The following ASTN2 variants were observed in gnomAD, a reference collection of about 807,000 sequenced individuals.
The protein encoded by ASTN2 is astrotactin 2, also known as astrotactin-2.
A neutral mutation model predicts 139.8 loss-of-function variants in ASTN2; 54 were observed. That is an observed-to-expected ratio of 0.39 (90% CI 0.31 to 0.48). ASTN2 has a LOEUF of 0.48. Ranked by LOEUF, ASTN2 falls within the 20% of genes least tolerant of loss-of-function variation. The pLI is 0.95. For synonymous variants in ASTN2, 756 were observed against 719.5 expected, an observed-to-expected ratio of 1.05 and a Z score of -0.81; for missense variants, 1,565 against 1,725.1, an observed-to-expected ratio of 0.91 and a Z score of 1.64.
At chr9:117,014,938 A>G (rs1056561759) in intron 6 of ASTN2, among the ~76,000 whole-genome samples, 4 of 152,170 alleles carry the variant, frequency 2.6e-5, no homozygotes, top group Admixed American at 1.3e-4. Flanking sequence ...CTGTTGCTTA[A>G]GCAACTCAGG....
intron 10 of ASTN2, among the ~76,000 whole-genome samples, chr9:116,937,989 G>A (rs528944311): frequency 9.1e-4 from 138 of 152,098 alleles, no homozygotes; most frequent in Non-Finnish European, 1.7e-3. Flanking sequence ...TAATTTTCTC[G>A]GCAACCTTTG....
chr9:116,859,662 T>C (rs1647884188), intron 11 of ASTN2, among the ~76,000 whole-genome samples: 1 of 152,086 alleles, frequency 6.6e-6, no homozygotes. Context: ...CTAAAAGGGG[T>C]CCCATCCTCT....
At chr9:116,626,546 T>C (rs1368848991) in intron 17 of ASTN2, among the ~76,000 whole-genome samples, 1 of 152,088 alleles carries the variant, frequency 6.6e-6, no homozygotes, top group Non-Finnish European at 1.5e-5. Flanking sequence ...CTAAATTACC[T>C]TGAAGCCATT....
chr9:117,150,750 A>G (rs774355215), intron 3 of ASTN2, among the ~76,000 whole-genome samples: 5 of 152,196 alleles, frequency 3.3e-5, no homozygotes, highest in Non-Finnish European at 5.9e-5. Flanking sequence ...ACTGGAGTGC[A>G]GTGGTGCAGT....
chr9:116,674,494 T>G (rs1175124629), intron 16 of ASTN2, among the ~76,000 whole-genome samples: 1 of 152,204 alleles, frequency 6.6e-6, no homozygotes, highest in Non-Finnish European at 1.5e-5. Context: ...TGCCCACAAA[T>G]GATCAAAGGT....
intron 12 of ASTN2, among the ~76,000 whole-genome samples, chr9:116,817,229 G>A (rs7860941): frequency 0.19 from 29,015 of 151,692 alleles, 3,333 homozygotes; most frequent in Admixed American, 0.26. Flanking sequence ...AGGAGGCGGA[G>A]GTTGCAGTGA....
intron 3 of ASTN2, among the ~76,000 whole-genome samples, chr9:117,173,941 C>G (rs1279029671): frequency 6.7e-6 from 1 of 150,266 alleles, no homozygotes; most frequent in Non-Finnish European, 1.5e-5. Flanking sequence ...TGCTCTCTCT[C>G]CTTTACTCTT....
At chr9:117,217,134 G>A (rs907755774) in intron 2 of ASTN2, among the ~76,000 whole-genome samples, 7 of 152,224 alleles carry the variant, frequency 4.6e-5, no homozygotes, top group Admixed American at 6.5e-5. Flanking sequence ...GGAGGAGGAG[G>A]AAAGATGGTG....
At chr9:116,732,508 C>G (rs1010977704) in intron 14 of ASTN2, among the ~76,000 whole-genome samples, 3 of 152,188 alleles carry the variant, frequency 2.0e-5, no homozygotes, top group Admixed American at 1.3e-4. Context: ...AGTGAAAGAG[C>G]TCTATTATCC....
At chr9:117,258,083 G>T (rs1288400762) in intron 2 of ASTN2, among the ~76,000 whole-genome samples, 4 of 152,202 alleles carry the variant, frequency 2.6e-5, no homozygotes, top group African/African-American at 9.7e-5. Flanking sequence ...TTGGAAGGAA[G>T]AAGGAAGGAA....
rs1299752984 is a variant in ASTN2, at chr9:116,986,580, G to A, written c.1592-9795C>T. Among the ~76,000 whole-genome samples, 4 of 152,204 alleles carry A rather than the reference G, an allele frequency of 2.6e-5. No homozygotes were observed. In the East Asian group the frequency reaches 7.7e-4, roughly 29 times the overall value. ...GAGGGTAACAATAAGAGAAAACCCA[G>A]AGGGATAACTACCTGCCAGGCAGTG... On this transcript the variant is annotated intron_variant, in intron 7 of 22. Coordinates refer to ENST00000313400, the MANE Select transcript of ASTN2 (RefSeq NM_001365068.1).
rs148982422 is a variant in ASTN2, at chr9:117,352,627, T to G, written c.443-61114A>C. On this transcript the variant is annotated intron_variant, in intron 1 of 22. Coordinates refer to ENST00000313400, the MANE Select transcript of ASTN2 (RefSeq NM_001365068.1). Reference sequence around the variant, plus strand: ...GGAAAGCCATCCCAAGCACTTTATCTTTAGTGTTTCTTCTAGTTTATCCAA... The same window carrying G: ...GGAAAGCCATCCCAAGCACTTTATCGTTAGTGTTTCTTCTAGTTTATCCAA... Among the ~76,000 whole-genome samples, 290 of 152,296 alleles carry G rather than the reference T, an allele frequency of 1.9e-3. 1 individual carries two copies. The highest frequency in any genetic ancestry group is 6.5e-3 in the African/African-American group (271 of 41,558).
At chr9:116,639,229 T>A (rs972920718) in intron 17 of ASTN2, among the ~76,000 whole-genome samples, 1 of 152,164 alleles carries the variant, frequency 6.6e-6, no homozygotes, top group East Asian at 1.9e-4. Context: ...AAGAAACACA[T>A]GATCCAAGGA....
At chr9:116,842,189 T>C (rs1832282162) in intron 11 of ASTN2, among the ~76,000 whole-genome samples, 1 of 152,192 alleles carries the variant, frequency 6.6e-6, no homozygotes, top group African/African-American at 2.4e-5. Context: ...GAGAGGTTGC[T>C]TGTGGCATAG....
chr9:116,986,106 C>T (rs116963176), intron 7 of ASTN2, among the ~76,000 whole-genome samples: 3,387 of 152,034 alleles, frequency 0.022, 60 homozygotes, highest in Non-Finnish European at 0.035. Context: ...GTTGCAGTGT[C>T]GTTATCGTGA....
intron 17 of ASTN2, among the ~76,000 whole-genome samples, chr9:116,644,417 A>G (rs536521684): frequency 6.6e-6 from 1 of 152,196 alleles, no homozygotes; most frequent in Non-Finnish European, 1.5e-5. Context: ...TACAGCCTTC[A>G]AAACATTGAA....
chr9:116,821,364 G>A (rs369109365), intron 11 of ASTN2, among the ~76,000 whole-genome samples: 24 of 152,212 alleles, frequency 1.6e-4, no homozygotes, highest in African/African-American at 5.8e-4. Flanking sequence ...GGATCATGGG[G>A]GTGCATACCT....
At chr9:117,397,073 C>T (rs1023328494) in intron 1 of ASTN2, among the ~76,000 whole-genome samples, 2 of 151,522 alleles carry the variant, frequency 1.3e-5, no homozygotes, top group African/African-American at 4.9e-5. Context: ...TCCCAAGTAG[C>T]TGGGATTACA....
intron 13 of ASTN2, among the ~76,000 whole-genome samples, chr9:116,739,776 CT>C (rs1285857851): frequency 6.6e-6 from 1 of 152,218 alleles, no homozygotes; most frequent in Non-Finnish European, 1.5e-5. Flanking sequence ...GCAGTGCAAA[CT>C]GAGTGCCTGA....
Sources: allele counts gnomAD v4.1 joint callset (sites outside exome capture counted in the v4.1 genomes callset), GRCh38; gene constraint gnomAD v4.1.1; transcripts MANE v1.5; gene names NCBI Gene and HGNC (gene_info 2026-07-23, HGNC 2026-07-21).